GAB1: variants seen among roughly 807,000 people sequenced by gnomAD.
GAB1 encodes GRB2 associated binding protein 1.
A neutral mutation model predicts 66.5 loss-of-function variants in GAB1; 19 were observed. The ratio of observed to expected loss-of-function variants is 0.29; its 90% CI spans 0.20 to 0.42. The LOEUF is 0.42. Among genes scored for constraint, GAB1 ranks in the 10% least tolerant of loss-of-function variants. The probability of loss-of-function intolerance (pLI) is 1.00; values close to 1 mark genes in which losing one functional copy is unlikely to be tolerated. For missense variants in GAB1, 732 were observed against 858.5 expected (o/e 0.85, Z 1.84); for synonymous variants, 294 against 301.4 (o/e 0.98, Z 0.25).
intron 1 of GAB1, among the ~76,000 whole-genome samples, chr4:143,357,290 A>G (rs1729485534): frequency 6.6e-6 from 1 of 152,154 alleles, no homozygotes; most frequent in Admixed American, 6.5e-5. Flanking sequence ...ACAAGCCTTC[A>G]GTTTTGTGGC....
chr4:143,450,535 A>G (rs1263817377), intron 6 of GAB1, among the ~76,000 whole-genome samples: 1 of 152,176 alleles, frequency 6.6e-6, no homozygotes, highest in Admixed American at 6.5e-5. Flanking sequence ...CCTTGACTGT[A>G]TTTGAGATGA....
In GAB1 at chr4:143,377,097, GT is replaced by G. The variant is rs199689412; in HGVS notation, c.73-38367del. Among the ~76,000 whole-genome samples, 1,305 of 144,112 alleles carry G rather than the reference GT, an allele frequency of 9.1e-3. 13 individuals carry two copies. The highest frequency in any genetic ancestry group is 0.026 in the African/African-American group (1,043 of 39,596). The allele number at this position is 144,112 out of a possible 152,430, so 94.5% of individuals were successfully genotyped here. On this transcript the variant is annotated intron_variant, in intron 1 of 9. Transcript: ENST00000262994. ...AATAATATTTAGATTTAGTCTGGTG[GT>G]TTTTTTTTTTTTCTTGTTTTGTTTG...
intron 1 of GAB1, among the ~76,000 whole-genome samples, chr4:143,364,238 A>G (rs1729779569): frequency 6.7e-6 from 1 of 149,978 alleles, no homozygotes; most frequent in Non-Finnish European, 1.5e-5. Flanking sequence ...TCTGTCTGTT[A>G]TTTTGTATCT....
At chr4:143,452,922 G>T (rs1034023986) in intron 6 of GAB1, among the ~76,000 whole-genome samples, 8 of 152,204 alleles carry the variant, frequency 5.3e-5, no homozygotes, top group African/African-American at 1.9e-4. Context: ...CTTTGCTTTA[G>T]TATTCTTATG....
chr4:143,439,621 A>AT, intron 4 of GAB1, 181 bp from the exon 5 acceptor site: 1 of 570,826 alleles, frequency 1.8e-6, no homozygotes, highest in South Asian at 2.2e-5. Context: ...GAGTGTCTGC[A>AT]TTTTCTAGTG....
Position 143,466,049 on chromosome 4 carries a change from A to G in GAB1, c.1804-54A>G. The stretch of plus-strand genomic sequence containing the variant: ...GCTTCCGTAGATGTTCAACAGTACG[A>G]GTGGTATGTCTGGTGAATGTCTGAC... On this transcript the variant is annotated intron_variant, in intron 8 of 9. Coordinates refer to ENST00000262994, the MANE Select transcript of GAB1 (RefSeq NM_002039.4). The G allele has an allele frequency of 3.1e-6, 5 of 1,602,200 alleles. No homozygotes were observed. The South Asian group carries it at 5.6e-5, about 18-fold the overall frequency.
chr4:143,423,792 G>GTATATA lies in GAB1; in HGVS notation c.367+8061_367+8066dup, dbSNP rs35559967. On this transcript the variant is annotated intron_variant, in intron 2 of 9. Transcript: ENST00000262994. The stretch of plus-strand genomic sequence containing the variant: ...CTCCATCTCAAAAAAAAAAAAAAGT[G>GTATATA]TATATATATATATATATATATATAT... Among the ~76,000 whole-genome samples, 556 of 67,644 alleles carry GTATATA rather than the reference G, an allele frequency of 8.2e-3. 22 individuals are homozygous for GTATATA. Among genetic ancestry groups the GTATATA allele is most frequent in the Middle Eastern group, 0.015 (1 of 66 alleles). 44.4% of individuals were successfully genotyped at this position (67,644 alleles called of 152,430 possible). A position where few individuals can be genotyped will look rare whatever the true frequency, so the allele number is the denominator to read the frequency against.
At chr4:143,378,413 A>G (rs191516568) in intron 1 of GAB1, among the ~76,000 whole-genome samples, 3 of 152,348 alleles carry the variant, frequency 2.0e-5, no homozygotes, top group East Asian at 1.9e-4. Context: ...CTATGCAAAT[A>G]TACAATATAT....
At chr4:143,458,960 C>T (rs1054804656) in intron 6 of GAB1, among the ~76,000 whole-genome samples, 9 of 151,606 alleles carry the variant, frequency 5.9e-5, no homozygotes, top group Admixed American at 5.3e-4. Flanking sequence ...GTTATATACT[C>T]CAATATTGAA....
At chr4:143,364,794 C>T (rs1267783982) in intron 1 of GAB1, among the ~76,000 whole-genome samples, 2 of 151,010 alleles carry the variant, frequency 1.3e-5, no homozygotes, top group Non-Finnish European at 2.9e-5. Flanking sequence ...CTCTGGCCTG[C>T]ACTAGTTGGC....
chr4:143,369,527 C>G (rs1337984611), intron 1 of GAB1, among the ~76,000 whole-genome samples: 2 of 152,210 alleles, frequency 1.3e-5, no homozygotes, highest in Non-Finnish European at 2.9e-5. Context: ...GTAATTCCCA[C>G]AGAAGGTCAG....
At chr4:143,462,534 A>G (rs929401588) in intron 8 of GAB1, among the ~76,000 whole-genome samples, 9 of 152,020 alleles carry the variant, frequency 5.9e-5, no homozygotes, top group African/African-American at 2.2e-4. Context: ...AAAGAAGAGC[A>G]TTACAATCAG....
chr4:143,464,817 A>G (rs575405052), intron 8 of GAB1, among the ~76,000 whole-genome samples: 83 of 152,336 alleles, frequency 5.4e-4, no homozygotes, highest in African/African-American at 1.9e-3. Context: ...AATAGTCTCA[A>G]TATTTTCCTA....
chr4:143,457,934 T>A (rs1367644267), intron 6 of GAB1, among the ~76,000 whole-genome samples: 2 of 152,142 alleles, frequency 1.3e-5, no homozygotes, highest in African/African-American at 2.4e-5. Context: ...TAATACACAA[T>A]GAGTCTACTT....
In GAB1 at chr4:143,419,925, G is replaced by A. The variant is rs142351514; in HGVS notation, c.367+4154G>A. Among the ~76,000 whole-genome samples the A allele has an allele frequency of 2.7e-3, 409 of 152,156 alleles. 2 individuals carry two copies. Among genetic ancestry groups the A allele is most frequent in the East Asian group, 0.021 (111 of 5,182 alleles). On this transcript the variant is annotated intron_variant, in intron 2 of 9. Transcript: ENST00000262994. ...ATTTTGGTTTTTGATCCATAATGGCGAAACTGCAAAAAGACTCTCAAAGTT... is the reference window on the plus strand; with the variant it reads ...ATTTTGGTTTTTGATCCATAATGGCAAAACTGCAAAAAGACTCTCAAAGTT...
At chr4:143,354,986 C>T (rs963055825) in intron 1 of GAB1, among the ~76,000 whole-genome samples, 1 of 152,148 alleles carries the variant, frequency 6.6e-6, no homozygotes, top group Admixed American at 6.5e-5. Context: ...TAAGTTCTAG[C>T]ATTGAAAACA....
At chr4:143,372,286 T>G (rs1192985485) in intron 1 of GAB1, among the ~76,000 whole-genome samples, 2 of 152,256 alleles carry the variant, frequency 1.3e-5, no homozygotes, top group Non-Finnish European at 1.5e-5. Flanking sequence ...TCTCTTGCCT[T>G]CTGTCTTTTG....
intron 2 of GAB1, 89 bp downstream of exon 2, chr4:143,415,860 C>T (rs1053845043): frequency 2.7e-5 from 28 of 1,020,180 alleles, no homozygotes; most frequent in South Asian, 1.7e-4. Context: ...ATTTTAGTTA[C>T]ACAATATAAT....
At position 143,373,886 on chromosome 4, in the gene GAB1, T is replaced by TATATATATATATATATATATATATATATA. The variant is rs1560726035; in HGVS notation, c.72+36626_72+36627insATATATATATATATATATATATATATATA. ...ATAAATAAATATATATATATATATA[T>TATATATATATATATATATATATATATATA]TTTTACCTTTCTAACATTGCAGGGA... On this transcript the variant is annotated intron_variant, in intron 1 of 9. Transcript: ENST00000262994. 3.3e-4 allele frequency among the ~76,000 whole-genome samples: 42 copies of TATATATATATATATATATATATATATATA among 128,262 alleles called. 6 individuals are homozygous for TATATATATATATATATATATATATATATA. Among genetic ancestry groups the TATATATATATATATATATATATATATATA allele is most frequent in the African/African-American group, 4.6e-4 (13 of 28,466 alleles). 84.1% of individuals were successfully genotyped at this position (128,262 alleles called of 152,430 possible).
Sources: allele counts gnomAD v4.1 joint callset (sites outside exome capture counted in the v4.1 genomes callset), GRCh38; gene constraint gnomAD v4.1.1; transcripts MANE v1.5; gene names NCBI Gene and HGNC (gene_info 2026-07-23, HGNC 2026-07-21).